RNF130: variants seen among roughly 807,000 people sequenced by gnomAD.
RNF130 encodes the protein ring finger protein 130.
Under a neutral mutation model 44.6 loss-of-function variants are expected in RNF130, and 21 were observed. That is an observed-to-expected ratio of 0.47 (90% CI 0.33 to 0.68). RNF130 has a LOEUF of 0.68. Among genes scored for constraint, RNF130 ranks in the 30% least tolerant of loss-of-function variants. The pLI is 0.02. For synonymous variants in RNF130, 214 were observed against 210.4 expected, an observed-to-expected ratio of 1.02 and a Z score of -0.15; for missense variants, 479 against 560.6, an observed-to-expected ratio of 0.85 and a Z score of 1.47.
intron 1 of RNF130, among the ~76,000 whole-genome samples, chr5:180,060,961 C>T (rs1212598922): frequency 2.8e-5 from 4 of 141,184 alleles, no homozygotes; most frequent in African/African-American, 8.0e-5. Flanking sequence ...CCCAGCTACG[C>T]GGGAGGCTGA....
intron 7 of RNF130, among the ~76,000 whole-genome samples, chr5:179,929,240 C>T (rs1761771323): frequency 6.6e-6 from 1 of 152,170 alleles, no homozygotes; most frequent in African/African-American, 2.4e-5. Flanking sequence ...ACGGCTTGTG[C>T]AGTGCCACCT....
intron 7 of RNF130, among the ~76,000 whole-genome samples, chr5:179,928,357 T>G (rs76713133): frequency 0.012 from 1,522 of 130,148 alleles, 25 homozygotes; most frequent in African/African-American, 0.047. Flanking sequence ...GGATATTTTG[T>G]TTTTTTTTTT....
At chr5:179,975,924 C>T (rs960460124) in intron 5 of RNF130, among the ~76,000 whole-genome samples, 1 of 152,126 alleles carries the variant, frequency 6.6e-6, no homozygotes, top group African/African-American at 2.4e-5. Flanking sequence ...GAGAATCGGG[C>T]GGGAACTTAT....
chr5:179,989,008 T>C (rs903707216), intron 3 of RNF130, among the ~76,000 whole-genome samples: 5 of 152,310 alleles, frequency 3.3e-5, no homozygotes, highest in South Asian at 2.1e-4. Context: ...TATGAGGAAA[T>C]ACCCCAGACT....
At chr5:180,046,092 G>A (rs1347211267) in intron 1 of RNF130, among the ~76,000 whole-genome samples, 1 of 152,214 alleles carries the variant, frequency 6.6e-6, no homozygotes, top group African/African-American at 2.4e-5. Context: ...GGAGGCATCT[G>A]AGGCCCCACG....
chr5:179,916,733 C>A (rs1761551655), exon 8 of RNF130: 1 of 152,342 alleles, frequency 6.6e-6, no homozygotes. Flanking sequence ...GCTTGTCTTC[C>A]CAAGAGGAGG....
chr5:179,997,263 T>C (rs940461629), intron 3 of RNF130, among the ~76,000 whole-genome samples: 2 of 152,162 alleles, frequency 1.3e-5, no homozygotes, highest in Non-Finnish European at 2.9e-5. Flanking sequence ...CATCTCAGCC[T>C]CCTGAGTAGC....
intron 1 of RNF130, among the ~76,000 whole-genome samples, chr5:180,059,417 C>T (rs1343886710): frequency 2.0e-5 from 3 of 152,216 alleles, no homozygotes; most frequent in South Asian, 4.1e-4. Flanking sequence ...CAAGAGCTGA[C>T]TCCTTTTACT....
chr5:179,980,323 T>C (rs1265822293), intron 3 of RNF130, 123 bp from the exon 4 acceptor site: 7 of 790,458 alleles, frequency 8.9e-6, no homozygotes, highest in East Asian at 5.4e-5. Flanking sequence ...GTCCTACATA[T>C]AAGAGAATGA....
At chr5:179,928,697 C>T (rs1194394566) in intron 7 of RNF130, among the ~76,000 whole-genome samples, 1 of 151,044 alleles carries the variant, frequency 6.6e-6, no homozygotes, top group African/African-American at 2.4e-5. Flanking sequence ...GGTGCGATCT[C>T]GGCTCACTGC....
At chr5:180,069,570 A>ATC (rs1479393235) in intron 1 of RNF130, among the ~76,000 whole-genome samples, 1 of 152,198 alleles carries the variant, frequency 6.6e-6, no homozygotes, top group Non-Finnish European at 1.5e-5. Context: ...AGTGTCTGAA[A>ATC]TCTCACCAAC....
chr5:179,966,682 C>G, intron 7 of RNF130, 124 bp downstream of exon 7: 1 of 761,686 alleles, frequency 1.3e-6, no homozygotes, highest in Non-Finnish European at 2.2e-6. Flanking sequence ...AACAGCAACA[C>G]ACATCACTTT....
chr5:180,032,056 T>C (rs1290834660), intron 2 of RNF130, among the ~76,000 whole-genome samples: 1 of 152,220 alleles, frequency 6.6e-6, no homozygotes, highest in East Asian at 1.9e-4. Flanking sequence ...TAAAACTAGG[T>C]TGTTTATCTT....
chr5:180,045,185 G>A (rs1291940211), intron 1 of RNF130, among the ~76,000 whole-genome samples: 5 of 152,210 alleles, frequency 3.3e-5, no homozygotes, highest in East Asian at 3.8e-4. Context: ...AATGAGAGAA[G>A]GAGAAGAATA....
intron 6 of RNF130, among the ~76,000 whole-genome samples, chr5:179,969,650 T>C (rs1476684242): frequency 1.3e-5 from 2 of 151,514 alleles, no homozygotes; most frequent in African/African-American, 4.8e-5. Context: ...GGAGGATCAC[T>C]TGAGGCCAGG....
intron 7 of RNF130, among the ~76,000 whole-genome samples, chr5:179,931,124 C>G (rs936936779): frequency 4.6e-5 from 7 of 151,748 alleles, no homozygotes; most frequent in African/African-American, 1.7e-4. Context: ...ACATGGTGAC[C>G]GCATGACTGA....
intron 2 of RNF130, among the ~76,000 whole-genome samples, chr5:180,014,263 C>T (rs1763664918): frequency 6.6e-6 from 1 of 152,182 alleles, no homozygotes; most frequent in African/African-American, 2.4e-5. Context: ...CAGGAAACTG[C>T]TATCCCTTTC....
chr5:179,939,850 G>T, intron 7 of RNF130: 1 of 374,216 alleles, frequency 2.7e-6, no homozygotes. Flanking sequence ...AAAATTCCCT[G>T]AAGACATCAT....
chr5:179,998,857 T>TATATATA (rs1554103671), intron 3 of RNF130, among the ~76,000 whole-genome samples: 2 of 65,230 alleles, frequency 3.1e-5, no homozygotes, highest in Non-Finnish European at 3.0e-5. Context: ...ATCTAGTATT[T>TATATATA]TTTATATATA....
Sources: allele counts gnomAD v4.1 joint callset (sites outside exome capture counted in the v4.1 genomes callset), GRCh38; gene constraint gnomAD v4.1.1; transcripts MANE v1.5; gene names NCBI Gene and HGNC (gene_info 2026-07-23, HGNC 2026-07-21).